Variants in TSPAN18 observed in about 807,000 individuals in gnomAD.
TSPAN18 encodes the protein tetraspanin 18, also known as tetraspanin-18.
A neutral mutation model predicts 27.3 loss-of-function variants in TSPAN18; 14 were observed. That is an observed-to-expected ratio of 0.51 (90% CI 0.34 to 0.80). The LOEUF is 0.80. Ranked by LOEUF, TSPAN18 falls within the 30% of genes least tolerant of loss-of-function variation. The pLI is 0.01. For missense variants in TSPAN18, 268 were observed against 323.9 expected, an observed-to-expected ratio of 0.83 and a Z score of 1.32; for synonymous variants, 143 against 136.5, an observed-to-expected ratio of 1.05 and a Z score of -0.33.
intron 1 of TSPAN18, among the ~76,000 whole-genome samples, chr11:44,735,060 T>C (rs1456183754): frequency 1.3e-5 from 2 of 152,340 alleles, no homozygotes; most frequent in East Asian, 1.9e-4. Flanking sequence ...GGATGGTCTC[T>C]GAAGACAGGG....
At chr11:44,802,297 A>G (rs1295885065) in intron 2 of TSPAN18, among the ~76,000 whole-genome samples, 1 of 147,340 alleles carries the variant, frequency 6.8e-6, no homozygotes, top group South Asian at 2.2e-4. Flanking sequence ...GACCCAGAGA[A>G]GCGAAGCACA....
intron 2 of TSPAN18, among the ~76,000 whole-genome samples, chr11:44,816,001 G>C (rs1304062495): frequency 6.6e-6 from 1 of 152,184 alleles, no homozygotes; most frequent in Non-Finnish European, 1.5e-5. Context: ...AATGCAGTGG[G>C]GAAAGCACCA....
intron 2 of TSPAN18, among the ~76,000 whole-genome samples, chr11:44,828,800 C>A (rs1857097198): frequency 1.3e-5 from 2 of 152,200 alleles, no homozygotes; most frequent in Non-Finnish European, 1.5e-5. Context: ...GACTCTCCCC[C>A]TGCTTCACTC....
chr11:44,887,011 A>G (rs966555050), intron 3 of TSPAN18, among the ~76,000 whole-genome samples: 2 of 152,260 alleles, frequency 1.3e-5, no homozygotes, highest in African/African-American at 4.8e-5. Context: ...AGTTGTTGGA[A>G]GAATTTACTC....
At chr11:44,924,956 A>T (rs538858093) in intron 8 of TSPAN18, among the ~76,000 whole-genome samples, 10 of 152,314 alleles carry the variant, frequency 6.6e-5, no homozygotes, top group African/African-American at 2.4e-4. Context: ...CAGATCCAGG[A>T]TGGACCCTGG....
chr11:44,836,217 T>G (rs1212142420), intron 2 of TSPAN18, among the ~76,000 whole-genome samples: 1 of 152,218 alleles, frequency 6.6e-6, no homozygotes, highest in Non-Finnish European at 1.5e-5. Context: ...TTAACTAAGT[T>G]GTGAATGCCA....
intron 2 of TSPAN18, among the ~76,000 whole-genome samples, chr11:44,765,277 G>C (rs889748686): frequency 6.6e-5 from 10 of 152,218 alleles, no homozygotes; most frequent in African/African-American, 2.4e-4. Flanking sequence ...CAAGACCAGG[G>C]CTGAAATAGA....
chr11:44,759,359 G>C (rs547540799), intron 1 of TSPAN18, among the ~76,000 whole-genome samples: 16 of 152,298 alleles, frequency 1.1e-4, no homozygotes, highest in Admixed American at 6.5e-4. Flanking sequence ...GGTGTTTGAC[G>C]ACGTGGTCTC....
chr11:44,759,358 C>T (rs1001277584), intron 1 of TSPAN18, among the ~76,000 whole-genome samples: 6 of 152,156 alleles, frequency 3.9e-5, no homozygotes, highest in Admixed American at 6.5e-5. Flanking sequence ...TGGTGTTTGA[C>T]GACGTGGTCT....
intron 1 of TSPAN18, among the ~76,000 whole-genome samples, chr11:44,728,561 A>C (rs971395517): frequency 2.6e-5 from 4 of 152,118 alleles, no homozygotes; most frequent in African/African-American, 7.2e-5. Flanking sequence ...TAAAGACTTC[A>C]GCAGTCCAGG....
chr11:44,771,763 T>C (rs745918903), intron 2 of TSPAN18, among the ~76,000 whole-genome samples: 1 of 152,220 alleles, frequency 6.6e-6, no homozygotes, highest in Non-Finnish European at 1.5e-5. Flanking sequence ...TGATTTAATG[T>C]GTACAGGAGG....
intron 2 of TSPAN18, among the ~76,000 whole-genome samples, chr11:44,820,855 C>T (rs1030870308): frequency 6.6e-6 from 1 of 152,184 alleles, no homozygotes. Context: ...TTCTCTCTTG[C>T]TCCCTCTCTT....
At chr11:44,818,294 G>T (rs1238213508) in intron 2 of TSPAN18, among the ~76,000 whole-genome samples, 1 of 152,144 alleles carries the variant, frequency 6.6e-6, no homozygotes, top group Non-Finnish European at 1.5e-5. Flanking sequence ...GGCAGGGGAT[G>T]CTATTTCTAT....
chr11:44,822,535 CTTGG>C (rs561318540), intron 2 of TSPAN18, among the ~76,000 whole-genome samples: 225 of 151,614 alleles, frequency 1.5e-3, no homozygotes, highest in African/African-American at 5.2e-3. Context: ...GTGGAAGTGA[CTTGG>C]GCGTCACTTC....
chr11:44,828,017 C>T (rs1286586777), intron 2 of TSPAN18, among the ~76,000 whole-genome samples: 1 of 152,140 alleles, frequency 6.6e-6, no homozygotes, highest in East Asian at 1.9e-4. Flanking sequence ...TCATGTTTCC[C>T]CACAGGGAAG....
intron 2 of TSPAN18, among the ~76,000 whole-genome samples, chr11:44,790,667 A>G (rs1856197630): frequency 6.6e-6 from 1 of 152,168 alleles, no homozygotes; most frequent in African/African-American, 2.4e-5. Context: ...ACAAAAGAAC[A>G]TGGGATGCCA....
chr11:44,775,182 A>G (rs1193480167), intron 2 of TSPAN18, among the ~76,000 whole-genome samples: 1 of 152,194 alleles, frequency 6.6e-6, no homozygotes, highest in South Asian at 2.1e-4. Context: ...CCTATAGACA[A>G]TGACTCAATT....
At chr11:44,828,580 A>G (rs141399988) in intron 2 of TSPAN18, among the ~76,000 whole-genome samples, 1 of 152,110 alleles carries the variant, frequency 6.6e-6, no homozygotes, top group African/African-American at 2.4e-5. Flanking sequence ...CTGTGGCTTC[A>G]TCTGCCATTG....
chr11:44,850,702 G>A (rs835799), intron 2 of TSPAN18, among the ~76,000 whole-genome samples: 51,055 of 151,948 alleles, frequency 0.34, 8,774 homozygotes, highest in South Asian at 0.37. Context: ...TTCACATAAG[G>A]TATCTAAGGT....
Sources: gnomAD v4.1 joint callset for allele counts (sites outside exome capture counted in the v4.1 genomes callset) on GRCh38, gnomAD v4.1.1 for gene constraint, MANE v1.5 for transcripts, NCBI Gene and HGNC (gene_info 2026-07-23, HGNC 2026-07-21) for gene names.